The following GALK2 variants were observed in gnomAD, a reference collection of about 807,000 sequenced individuals.
GALK2 encodes galactokinase 2.
GALK2 carries 36 observed loss-of-function variants against 52.4 expected under a neutral mutation model. The ratio of observed to expected loss-of-function variants is 0.69; its 90% CI spans 0.53 to 0.91. The LOEUF (loss-of-function observed/expected upper bound fraction) is 0.91. GALK2 is among the 40% of genes least tolerant of loss of function. The pLI is 0.00. For synonymous variants in GALK2, 176 were observed against 199.1 expected (o/e 0.88, Z 0.98); for missense variants, 579 against 559.1 (o/e 1.04, Z -0.36).
rs2040291408 is a variant in GALK2, at chr15:49,339,214, T to C, written c.426+19409T>C. ...ATTCTTTAGCAGAGAAGAGGCATTC[T>C]GGTTTTTGGAATTTTCAGTCTTTTT... is the stretch of plus-strand genomic sequence containing the variant. On this transcript the variant is annotated intron_variant, in intron 3 of 3. Coordinates refer to the GALK2 transcript ENST00000558399. Among the ~76,000 whole-genome samples the C allele has an allele frequency of 2.0e-5, 3 of 152,326 alleles. No individual in the cohort carries two copies. The South Asian group carries it at 6.2e-4, about 32-fold the overall frequency.
At position 49,262,954 on chromosome 15, in the gene GALK2, T is replaced by G. The variant is rs1450876525; in HGVS notation, c.505-19033T>G. On this transcript the variant is annotated intron_variant, in intron 5 of 9. Coordinates refer to ENST00000560031, the MANE Select transcript of GALK2 (RefSeq NM_002044.4). The stretch of plus-strand genomic sequence containing the variant: ...AGAGATAGTTTGTTATAATTTCTGT[T>G]CTTTTACATCTGCTGAGGAGAGCTT... 2.1e-5 allele frequency among the ~76,000 whole-genome samples: 3 copies of G among 145,134 alleles called. No individual in the cohort carries two copies. In the East Asian group the frequency reaches 5.9e-4, roughly 29 times the overall value.
intron 8 of GALK2, among the ~76,000 whole-genome samples, chr15:49,307,769 C>G (rs2035666897): frequency 6.6e-6 from 1 of 152,162 alleles, no homozygotes. Flanking sequence ...CACTGTTACT[C>G]TCCATAAAAC....
intron 1 of GALK2, among the ~76,000 whole-genome samples, chr15:49,190,303 A>G (rs181440348): frequency 2.1e-4 from 32 of 152,202 alleles, no homozygotes; most frequent in African/African-American, 6.7e-4. Context: ...TTTTTTCCAT[A>G]GAAATCGCAA....
At chr15:49,353,941 T>C (rs2042642881) in intron 3 of GALK2, 1 of 152,142 alleles carries the variant, frequency 6.6e-6, no homozygotes, top group Admixed American at 6.5e-5. Context: ...TATTCACATA[T>C]TGGTTAATGG....
chr15:49,219,432 A>G (rs560022483), intron 3 of GALK2, among the ~76,000 whole-genome samples: 10 of 152,314 alleles, frequency 6.6e-5, no homozygotes, highest in Non-Finnish European at 1.0e-4. Flanking sequence ...CTGTAAGTTC[A>G]TTAAATCTCT....
In GALK2 at chr15:49,331,755, A is replaced by C; in HGVS notation, c.*3596A>C. The C allele has an allele frequency of 7.1e-7, 1 of 1,407,146 alleles. No individual in the cohort carries two copies. Among genetic ancestry groups the C allele is most frequent in the Admixed American group, 1.7e-5 (1 of 59,650 alleles). 87.2% of individuals were successfully genotyped at this position (1,407,146 alleles called of 1,614,324 possible). ...AAAAGAAGCTAGAGAGAGAATTCTC[A>C]ATTATTTTCAGAAAGAAAACCTACC... On this transcript the variant is annotated 3_prime_UTR_variant, in exon 10 of 10. Transcript: ENST00000560031.
intron 9 of GALK2, among the ~76,000 whole-genome samples, chr15:49,321,946 T>G (rs1315414280): frequency 1.3e-5 from 2 of 152,156 alleles, no homozygotes; most frequent in Non-Finnish European, 2.9e-5. Context: ...GGATGAAAAG[T>G]GGGCTGGAAG....
chr15:49,367,682 TC>T, exon 4 of GALK2: 2 of 1,326,142 alleles, frequency 1.5e-6, no homozygotes, highest in Non-Finnish European at 2.0e-6. Flanking sequence ...AAATATAACT[TC>T]ATATTTAGCA....
intron 3 of GALK2, among the ~76,000 whole-genome samples, chr15:49,233,640 T>G (rs2090629565): frequency 6.6e-6 from 1 of 152,226 alleles, no homozygotes; most frequent in African/African-American, 2.4e-5. Flanking sequence ...CATAACTGTA[T>G]CTGCTTTCAA....
intron 3 of GALK2, among the ~76,000 whole-genome samples, chr15:49,337,172 T>C (rs1024212431): frequency 1.3e-5 from 2 of 152,216 alleles, no homozygotes; most frequent in African/African-American, 4.8e-5. Flanking sequence ...ATATGTCTTT[T>C]TGGTGGAATA....
At chr15:49,262,147 C>G (rs2092142123) in intron 5 of GALK2, among the ~76,000 whole-genome samples, 3 of 151,876 alleles carry the variant, frequency 2.0e-5, no homozygotes, top group African/African-American at 7.3e-5. Flanking sequence ...GGAATGGTAC[C>G]AGTTCCTCCT....
exon 1 of GALK2, chr15:49,155,949 G>T: frequency 6.2e-7 from 1 of 1,610,434 alleles, no homozygotes; most frequent in Non-Finnish European, 8.5e-7. Flanking sequence ...TCCGGTGAAA[G>T]TAAGGGACAG....
intron 3 of GALK2, among the ~76,000 whole-genome samples, chr15:49,350,318 G>A (rs942949447): frequency 6.6e-6 from 1 of 152,146 alleles, no homozygotes; most frequent in Non-Finnish European, 1.5e-5. Context: ...CACATGGCTA[G>A]TGGCTACCAT....
chr15:49,165,800 C>CTTTTTTTTTTTTTTTTTTTTT (rs552058665), upstream of GALK2, among the ~76,000 whole-genome samples: 1 of 134,724 alleles, frequency 7.4e-6, no homozygotes, highest in Non-Finnish European at 1.6e-5. Context: ...TAATGTATTT[C>CTTTTTTTTTTTTTTTTTTTTT]TTTTTTTTTT....
At position 49,231,299 on chromosome 15, in the gene GALK2, C is replaced by T. The variant is rs771474447; in HGVS notation, c.267-4552C>T. Among the ~76,000 whole-genome samples, 7 of 152,122 alleles carry T rather than the reference C, an allele frequency of 4.6e-5. No individual in the cohort carries two copies. In the South Asian group the frequency reaches 1.4e-3, roughly 32 times the overall value. On this transcript the variant is annotated intron_variant, in intron 3 of 9. Coordinates refer to ENST00000560031, the MANE Select transcript of GALK2 (RefSeq NM_002044.4). Reference sequence around the variant, plus strand: ...GGGCAGCTACACACTTTTTACACAACCAAGTCAAGTGAGAACTGTATCACG... The same window carrying T: ...GGGCAGCTACACACTTTTTACACAATCAAGTCAAGTGAGAACTGTATCACG...
intron 1 of GALK2, among the ~76,000 whole-genome samples, chr15:49,192,485 GTA>G (rs58230206): frequency 0.014 from 1,396 of 102,762 alleles, 19 homozygotes; most frequent in African/African-American, 0.042. Context: ...ATATATATAT[GTA>G]TATATATATA....
At chr15:49,158,056 G>A (rs2141143622) in intron 1 of GALK2, among the ~76,000 whole-genome samples, 1 of 152,180 alleles carries the variant, frequency 6.6e-6, no homozygotes, top group East Asian at 1.9e-4. Flanking sequence ...TAAGGTTTCT[G>A]TAGTTTATGA....
At chr15:49,204,730 G>A (rs989957598) in intron 2 of GALK2, among the ~76,000 whole-genome samples, 1 of 151,948 alleles carries the variant, frequency 6.6e-6, no homozygotes, top group African/African-American at 2.4e-5. Flanking sequence ...AGTTATTGGG[G>A]TACAGGTGGT....
chr15:49,307,328 G>T (rs2035627745), intron 8 of GALK2, among the ~76,000 whole-genome samples: 2 of 152,154 alleles, frequency 1.3e-5, no homozygotes, highest in Admixed American at 6.6e-5. Context: ...TTGAAATACG[G>T]GGGCTTTCAT....
Sources: allele counts gnomAD v4.1 joint callset (sites outside exome capture counted in the v4.1 genomes callset), GRCh38; gene constraint gnomAD v4.1.1; transcripts MANE v1.5; gene names NCBI Gene and HGNC (gene_info 2026-07-23, HGNC 2026-07-21).